The following DAPK3 variants were observed in gnomAD, a reference collection of about 807,000 sequenced individuals.
DAPK3 encodes death associated protein kinase 3.
Under a neutral mutation model 30.6 loss-of-function variants are expected in DAPK3, and 24 were observed. That is an observed-to-expected ratio of 0.78 (90% CI 0.57 to 1.10). The LOEUF (loss-of-function observed/expected upper bound fraction) is 1.10, where lower values mean the gene tolerates loss of function less well. DAPK3 is among the 50% of genes least tolerant of loss of function. The pLI is 0.00. For missense variants in DAPK3, 629 were observed against 657.3 expected (o/e 0.96, Z 0.47); for synonymous variants, 341 against 284.0 (o/e 1.20, Z -2.02).
chr19:3,963,745 C>T (rs1001378220), intron 5 of DAPK3, 76 bp from the exon 6 acceptor site: 10 of 1,339,026 alleles, frequency 7.5e-6, no homozygotes, highest in Admixed American at 4.3e-5. Flanking sequence ...GTCCAGCGCC[C>T]CTGTTCTAGG....
chr19:3,964,719 G>A lies in DAPK3; in HGVS notation c.335C>T (p.Thr112Met), dbSNP rs2039557965. Residue 112 changes from threonine (T) to methionine (M), a missense_variant, in exon 3 of 9, where the codon ACG becomes ATG. This residue lies in a region of DAPK3 where 306 missense variants were observed against 378.5 expected (regional missense o/e 0.81). Coordinates refer to ENST00000545797, the MANE Select transcript of DAPK3 (RefSeq NM_001348.3). ...FDFLAEKESL[T>M]EDEATQFLKQ... ...GAGGAACTGGGTGGCCTCGTCCTCCGTCAGCGACTCCTTCTCCGCCAGGAA... is the reference window on the plus strand; with the variant it reads ...GAGGAACTGGGTGGCCTCGTCCTCCATCAGCGACTCCTTCTCCGCCAGGAA... 2.5e-6 allele frequency: 4 copies of A among 1,612,454 alleles called. No individual in the cohort carries two copies. Among genetic ancestry groups the A allele is most frequent in the Non-Finnish European group, 3.4e-6 (4 of 1,179,416 alleles).
intron 2 of DAPK3, among the ~76,000 whole-genome samples, chr19:3,965,469 T>C (rs1489744887): frequency 6.6e-6 from 1 of 151,920 alleles, no homozygotes; most frequent in Non-Finnish European, 1.5e-5. Context: ...ATACAAAAAA[T>C]TAGCTGGGTG....
Position 3,959,617 on chromosome 19 carries a change from C to A in DAPK3, c.849G>T (p.Val283=). The A allele has an allele frequency of 6.3e-7, 1 of 1,582,130 alleles. No individual in the cohort carries two copies. Among genetic ancestry groups the A allele is most frequent in the Admixed American group, 1.7e-5 (1 of 58,206 alleles). The stretch of plus-strand genomic sequence containing the variant: ...GCTTGCGGCCGCTGTCCTCACCACG[C>A]ACGTTCCGCCGCCGGATCGCCTAGG... ...SWIKAIRRRN[V]RGEDSGRKPE... The change falls in exon 9 of 9, where the codon GTG becomes GTT. Residue 283 remains valine, a synonymous_variant. Coordinates refer to ENST00000545797, the MANE Select transcript of DAPK3 (RefSeq NM_001348.3).
Position 3,964,970 on chromosome 19 carries a change from C to CCGCACGAT in DAPK3, c.76_83dup (p.Lys29SerfsTer31). ...TGCCCGTGCCCTTCTGCCGGCACTT[C>CCGCACGAT]CGCACGATCGCAAACTGGCCGCTGG... On this transcript the variant is annotated frameshift_variant, in exon 3 of 9. Transcript: ENST00000545797. LOFTEE classifies it high-confidence loss of function. 2 of 1,607,662 alleles carry CCGCACGAT rather than the reference C, an allele frequency of 1.2e-6. No individual in the cohort carries two copies. Among genetic ancestry groups the CCGCACGAT allele is most frequent in the Non-Finnish European group, 1.7e-6 (2 of 1,176,328 alleles).
chr19:3,962,418 A>C (rs2039526576), intron 6 of DAPK3, among the ~76,000 whole-genome samples: 1 of 152,174 alleles, frequency 6.6e-6, no homozygotes, highest in South Asian at 2.1e-4. Flanking sequence ...TTGCTTACTG[A>C]ATGAGCTATG....
In DAPK3 at chr19:3,959,458, C is replaced by T. The variant is rs759423522; in HGVS notation, c.1008G>A (p.Glu336=). 4.0e-5 allele frequency: 62 copies of T among 1,546,098 alleles called. No individual in the cohort carries two copies. The Middle Eastern group carries it at 8.3e-4, about 21-fold the overall frequency. ...TGCGCTGCAGCTCGCGCAGGCCCTC[C>T]TCGGCGGCCGCCGCCTCCTCCAGCA... is the stretch of plus-strand genomic sequence containing the variant. The part of the protein sequence containing the change: ...SKVLEEAAAA[E]EGLRELQRSR... The change falls in exon 9 of 9, where the codon GAG becomes GAA. Residue 336 remains glutamate (E), a synonymous_variant. Transcript: ENST00000545797.
At chr19:3,969,352 G>C (rs1310452581) in intron 2 of DAPK3, among the ~76,000 whole-genome samples, 3 of 151,922 alleles carry the variant, frequency 2.0e-5, no homozygotes, top group African/African-American at 7.3e-5. Flanking sequence ...TTGCTATGTT[G>C]CCCAGGCAGA....
chr19:3,961,289 T>C, intron 6 of DAPK3, 128 bp from the exon 7 acceptor site: 1 of 775,524 alleles, frequency 1.3e-6, no homozygotes, highest in Non-Finnish European at 2.3e-6. Flanking sequence ...CCACTCACAC[T>C]CCTGAGCCCT....
intron 3 of DAPK3, 109 bp downstream of exon 3, chr19:3,964,522 C>G: frequency 1.5e-6 from 2 of 1,367,722 alleles, no homozygotes; most frequent in Non-Finnish European, 2.0e-6. Context: ...CACCCCCACG[C>G]TCCCCACACC....
intron 3 of DAPK3, 56 bp downstream of exon 3, chr19:3,964,575 C>A: frequency 6.8e-7 from 1 of 1,478,624 alleles, no homozygotes; most frequent in Non-Finnish European, 9.2e-7. Flanking sequence ...TCTTCCCCGC[C>A]CCATCCCCAC....
Position 3,959,378 on chromosome 19 carries a change from T to C in DAPK3, c.1088A>G (p.Lys363Arg), listed in dbSNP as rs546274811. 1.3e-6 allele frequency: 2 copies of C among 1,578,180 alleles called. No homozygotes were observed. The highest frequency in any genetic ancestry group is 1.7e-6 in the Non-Finnish European group (2 of 1,169,856). Residue 363 changes from lysine to arginine, a missense_variant, in exon 9 of 9, where the codon AAG becomes AGG. Physicochemically the swap from Lys to Arg is conservative, Grantham distance 26. Coordinates refer to ENST00000545797, the MANE Select transcript of DAPK3 (RefSeq NM_001348.3). ...VEALAAIYEE[K>R]EAWYREESDS... ...GCTCTCCTCGCGGTACCAGGCCTCCTTCTCCTCGTAGATGGCGGCCAGCGC... is the reference window on the plus strand; with the variant it reads ...GCTCTCCTCGCGGTACCAGGCCTCCCTCTCCTCGTAGATGGCGGCCAGCGC...
rs2039471709 is a variant in DAPK3, at chr19:3,959,076, T to C, written c.*25A>G. The C allele has an allele frequency of 2.8e-6, 4 of 1,444,872 alleles. No individual in the cohort carries two copies. Among genetic ancestry groups the C allele is most frequent in the African/African-American group, 2.9e-5 (2 of 69,394 alleles). 89.5% of individuals were successfully genotyped at this position (1,444,872 alleles called of 1,614,324 possible). ...ACCGCAGGCCGAGCTCCGGCTGTCCTGGGGCCTGGCCCACCCCACTGCGCC... is the reference window on the plus strand; with the variant it reads ...ACCGCAGGCCGAGCTCCGGCTGTCCCGGGGCCTGGCCCACCCCACTGCGCC... On this transcript the variant is annotated 3_prime_UTR_variant, in exon 9 of 9. Coordinates refer to ENST00000545797, the MANE Select transcript of DAPK3 (RefSeq NM_001348.3).
chr19:3,964,553 T>G, intron 3 of DAPK3, 78 bp downstream of exon 3: 1 of 1,336,034 alleles, frequency 7.5e-7, no homozygotes, highest in Non-Finnish European at 9.9e-7. Flanking sequence ...GCGCAGGAGG[T>G]GCCTTCCAGG....
At chr19:3,963,476 T>G (rs2039540395) in intron 6 of DAPK3, among the ~76,000 whole-genome samples, 167 bp downstream of exon 6, 2 of 152,146 alleles carry the variant, frequency 1.3e-5, no homozygotes, top group African/African-American at 4.8e-5. Context: ...GAAGCCTCTG[T>G]GACAGCAGCC....
At chr19:3,960,264 T>C (rs1355533107) in intron 7 of DAPK3, among the ~76,000 whole-genome samples, 160 bp from the exon 8 acceptor site, 1 of 151,784 alleles carries the variant, frequency 6.6e-6, no homozygotes, top group Non-Finnish European at 1.5e-5. Context: ...AGCGTGGGGT[T>C]TTCTGGGGGG....
chr19:3,963,643 A>T lies in DAPK3; in HGVS notation c.629T>A (p.Leu210His). The change falls in exon 6 of 9, where the codon CTC (leucine) becomes CAC (histidine). Residue 210 changes from leucine to histidine, a missense_variant and splice_region_variant. Physicochemically the swap from Leu to His is moderately conservative, Grantham distance 99. This residue lies in a region of DAPK3 where 306 missense variants were observed against 378.5 expected (regional missense o/e 0.81). Transcript: ENST00000545797. Reference protein sequence around the residue: ...MWSIGVITYILLSGASPFLGE... With the variant: ...MWSIGVITYIHLSGASPFLGE... ...GAGGGGGCCCCCGCCAGGTACTCAC[A>T]GGATATAGGTGATGACACCGATGCT... The T allele has an allele frequency of 6.6e-7, 1 of 1,519,202 alleles. No individual in the cohort carries two copies. Among genetic ancestry groups the T allele is most frequent in the East Asian group, 2.4e-5 (1 of 42,050 alleles). The allele number at this position is 1,519,202 out of a possible 1,614,324, so 94.1% of individuals were successfully genotyped here.
rs1257573921 is a variant in DAPK3 at position 3,969,820 on chromosome 19, A to C, written c.-85T>G. ...GGAGATAGGACCTCAGGAGTCCCCT[A>C]ATGGCAACCCTGGAGAAGACAGGGA... On this transcript the variant is annotated 5_prime_UTR_variant, in exon 2 of 9. The change creates a new upstream start codon in the 5' untranslated region. Coordinates refer to ENST00000545797, the MANE Select transcript of DAPK3 (RefSeq NM_001348.3). 2 of 894,668 alleles carry C rather than the reference A, an allele frequency of 2.2e-6. No individual in the cohort carries two copies. The highest frequency in any genetic ancestry group is 3.7e-6 in the Non-Finnish European group (2 of 540,744). The allele number at this position is 894,668 out of a possible 1,614,324, so 55.4% of individuals were successfully genotyped here.
At chr19:3,967,791 C>A (rs1464274635) in intron 2 of DAPK3, among the ~76,000 whole-genome samples, 1 of 152,148 alleles carries the variant, frequency 6.6e-6, no homozygotes, top group Non-Finnish European at 1.5e-5. Context: ...TCTGGGCCTT[C>A]ATCTTGCACT....
At chr19:3,960,495 A>G (rs1280549852) in intron 7 of DAPK3, among the ~76,000 whole-genome samples, 2 of 152,150 alleles carry the variant, frequency 1.3e-5, no homozygotes, top group African/African-American at 2.4e-5. Flanking sequence ...GCAAGCAGCC[A>G]GACACGGTGT....
Sources: allele counts gnomAD v4.1 joint callset (sites outside exome capture counted in the v4.1 genomes callset), GRCh38; gene constraint gnomAD v4.1.1; regional missense constraint gnomAD v4.1.1; transcripts MANE v1.5; gene names NCBI Gene and HGNC (gene_info 2026-07-23, HGNC 2026-07-21).